The following FSTL1 variants were observed in gnomAD, a reference collection of about 807,000 sequenced individuals.
FSTL1 encodes the protein follistatin-related protein 1.
A neutral mutation model predicts 45.9 loss-of-function variants in FSTL1; 24 were observed. The ratio of observed to expected loss-of-function variants is 0.52; its 90% CI spans 0.38 to 0.74. The LOEUF (loss-of-function observed/expected upper bound fraction) is 0.74, where lower values mean the gene tolerates loss of function less well. FSTL1 is among the 30% of genes least tolerant of loss of function. The probability of loss-of-function intolerance (pLI) is 0.00; values close to 1 mark genes in which losing one functional copy is unlikely to be tolerated. For missense variants in FSTL1, 340 were observed against 381.8 expected (o/e 0.89, Z 0.91); for synonymous variants, 120 against 137.6 (o/e 0.87, Z 0.89).
At chr3:120,436,124 CTTA>C (rs35947252) in intron 2 of FSTL1, among the ~76,000 whole-genome samples, 99,372 of 151,616 alleles carry the variant, frequency 0.66, 35,652 homozygotes, top group Non-Finnish European at 0.8. Context: ...AACATGGTTT[CTTA>C]TTATCTAGCT....
chr3:120,404,966 A>G lies in FSTL1; in HGVS notation c.468T>C (p.Phe156=). The change falls in exon 7 of 11, where the codon TTT becomes TTC. Residue 156 remains phenylalanine, a synonymous_variant. Transcript: ENST00000295633. ...AGTCCAGGCGAGAATCACCATTATCAAAGTTCTAGAAAGGGCATGACAAGA... is the reference window on the plus strand; with the variant it reads ...AGTCCAGGCGAGAATCACCATTATCGAAGTTCTAGAAAGGGCATGACAAGA... ...SEILDKYFKN[F]DNGDSRLDSS... 6.7e-7 allele frequency: 1 copy of G among 1,489,422 alleles called. No homozygotes were observed. The highest frequency in any genetic ancestry group is 1.1e-5 in the South Asian group (1 of 88,654). 92.3% of individuals were successfully genotyped at this position (1,489,422 alleles called of 1,614,324 possible).
intron 5 of FSTL1, 96 bp from the exon 6 acceptor site, chr3:120,409,758 T>C (rs1265612874): frequency 2.7e-6 from 3 of 1,121,786 alleles, no homozygotes; most frequent in Non-Finnish European, 4.0e-6. Context: ...CCCATGGTTC[T>C]GCATATGTCA....
At chr3:120,443,071 T>A (rs1458183988) in intron 2 of FSTL1, among the ~76,000 whole-genome samples, 1 of 147,666 alleles carries the variant, frequency 6.8e-6, no homozygotes, top group Non-Finnish European at 1.5e-5. Context: ...TGTGCACATG[T>A]ACCCTAAAAC....
At chr3:120,434,325 A>C (rs1160764360) in intron 2 of FSTL1, among the ~76,000 whole-genome samples, 1 of 152,250 alleles carries the variant, frequency 6.6e-6, no homozygotes, top group Admixed American at 6.5e-5. Flanking sequence ...GTAGGTGTGC[A>C]CATGGCCATG....
chr3:120,434,791 AT>A (rs1937524047), intron 2 of FSTL1, among the ~76,000 whole-genome samples: 1 of 152,196 alleles, frequency 6.6e-6, no homozygotes, highest in South Asian at 2.1e-4. Flanking sequence ...AGCAACTACT[AT>A]TTATTGAGTA....
At chr3:120,405,655 C>T (rs1358396453) in intron 6 of FSTL1, among the ~76,000 whole-genome samples, 3 of 152,212 alleles carry the variant, frequency 2.0e-5, no homozygotes, top group Admixed American at 2.0e-4. Flanking sequence ...TGCACAGGTC[C>T]TCAGATCATC....
At chr3:120,434,795 A>G (rs1937524061) in intron 2 of FSTL1, among the ~76,000 whole-genome samples, 1 of 152,198 alleles carries the variant, frequency 6.6e-6, no homozygotes, top group South Asian at 2.1e-4. Context: ...ACTACTATTT[A>G]TTGAGTACTT....
At chr3:120,450,562 C>CA (rs1426804142) in intron 2 of FSTL1, 122 bp downstream of exon 2, 2 of 590,808 alleles carry the variant, frequency 3.4e-6, no homozygotes, top group African/African-American at 4.0e-5. Context: ...CAGCACACCC[C>CA]AAGGACCGAA....
At chr3:120,416,645 T>A (rs983941242) in intron 2 of FSTL1, among the ~76,000 whole-genome samples, 3 of 152,200 alleles carry the variant, frequency 2.0e-5, no homozygotes, top group Non-Finnish European at 4.4e-5. Flanking sequence ...CTAGGCATTA[T>A]CATCTCAAAG....
At chr3:120,425,961 T>C (rs777775639) in intron 2 of FSTL1, among the ~76,000 whole-genome samples, 6 of 152,132 alleles carry the variant, frequency 3.9e-5, no homozygotes, top group Non-Finnish European at 8.8e-5. Context: ...TCTACTTGCA[T>C]TTGCCTTGCA....
chr3:120,406,833 T>C (rs1375178291), intron 6 of FSTL1, among the ~76,000 whole-genome samples: 1 of 152,230 alleles, frequency 6.6e-6, no homozygotes, highest in African/African-American at 2.4e-5. Context: ...TTATCCCTTA[T>C]CTGAAATGCT....
At position 120,444,807 on chromosome 3, in the gene FSTL1, T is replaced by A. The variant is rs552201152; in HGVS notation, c.63+5877A>T. 1.6e-3 allele frequency among the ~76,000 whole-genome samples: 242 copies of A among 150,088 alleles called. 31 individuals carry two copies. The highest frequency in any genetic ancestry group is 5.8e-3 in the African/African-American group (229 of 39,416). On this transcript the variant is annotated intron_variant, in intron 2 of 10. Coordinates refer to ENST00000295633, the MANE Select transcript of FSTL1 (RefSeq NM_007085.5). ...CACATTTGTTTGTTGTACTTTTCTA[T>A]AAATTTTTACAGTCGTGAGAATAAA... is the stretch of plus-strand genomic sequence containing the variant.
At chr3:120,423,467 C>T (rs561920328) in intron 2 of FSTL1, 1 of 152,224 alleles carries the variant, frequency 6.6e-6, no homozygotes, top group Non-Finnish European at 1.5e-5. Context: ...TAGGCCTGTT[C>T]ATATAGGGCT....
chr3:120,417,278 A>T (rs1206698133), intron 2 of FSTL1, among the ~76,000 whole-genome samples: 2 of 151,542 alleles, frequency 1.3e-5, no homozygotes, highest in Non-Finnish European at 2.9e-5. Context: ...TTTATACTCA[A>T]GATTAGGGGA....
intron 7 of FSTL1, among the ~76,000 whole-genome samples, 189 bp from the exon 8 acceptor site, chr3:120,403,543 A>G (rs1936871013): frequency 6.6e-6 from 1 of 152,184 alleles, no homozygotes; most frequent in Admixed American, 6.5e-5. Context: ...GCAGGCATCT[A>G]ACCTTTAGTT....
At chr3:120,440,087 C>T (rs117846887) in intron 2 of FSTL1, among the ~76,000 whole-genome samples, 2,178 of 152,134 alleles carry the variant, frequency 0.014, 31 homozygotes, top group South Asian at 0.067. Flanking sequence ...CTCTCCAGCC[C>T]GGGCAACAGA....
At position 120,392,392 on chromosome 3, in the gene FSTL1, G is replaced by C. The variant is rs528321012; in HGVS notation, c.*4560C>G. 1 of 152,148 alleles carries C rather than the reference G, an allele frequency of 6.6e-6. No homozygotes were observed. The highest frequency in any genetic ancestry group is 2.4e-5 in the African/African-American group (1 of 41,432). 9.4% of individuals were successfully genotyped at this position (152,148 alleles called of 1,614,324 possible). ...TCCTCTATCAGAGGCCAAAAAGTTC[G>C]AAGGCACAATGTTTGCAAGAATGTA... On this transcript the variant is annotated 3_prime_UTR_variant, in exon 11 of 11. Coordinates refer to ENST00000295633, the MANE Select transcript of FSTL1 (RefSeq NM_007085.5).
At chr3:120,425,180 T>C (rs1267570585) in intron 2 of FSTL1, among the ~76,000 whole-genome samples, 1 of 152,094 alleles carries the variant, frequency 6.6e-6, no homozygotes, top group East Asian at 1.9e-4. Context: ...TCAGCCCCTG[T>C]CACCTCCTCA....
chr3:120,430,028 A>G (rs112359546), intron 2 of FSTL1, among the ~76,000 whole-genome samples: 1 of 152,184 alleles, frequency 6.6e-6, no homozygotes, highest in African/African-American at 2.4e-5. Flanking sequence ...AACTGAAAAC[A>G]GTGGCACAGG....
Sources: allele counts gnomAD v4.1 joint callset (sites outside exome capture counted in the v4.1 genomes callset), GRCh38; gene constraint gnomAD v4.1.1; transcripts MANE v1.5; gene names NCBI Gene and HGNC (gene_info 2026-07-23, HGNC 2026-07-21).